Variants in SOX6 observed in about 807,000 individuals in gnomAD.
SOX6 encodes transcription factor SOX-6.
SOX6 carries 11 observed loss-of-function variants against 97.8 expected under a neutral mutation model. That is an observed-to-expected ratio of 0.11 (90% confidence interval 0.07 to 0.19). The LOEUF is 0.19. SOX6 is among the 10% of genes least tolerant of loss of function. The pLI is 1.00. For missense variants in SOX6, 810 were observed against 1,039.5 expected (o/e 0.78, Z 3.04); for synonymous variants, 360 against 371.4 (o/e 0.97, Z 0.35).
Position 16,582,362 on chromosome 11 carries a change from T to A in SOX6, n.609+29719A>T, listed in dbSNP as rs370480747. On this transcript the variant is annotated intron_variant and non_coding_transcript_variant, in intron 4 of 5. Transcript: ENST00000524520. ...TGAGTGATACATTAGAAATAACATATCTGGATTTCAGCAAAACACTTGACA... is the reference window on the plus strand; with the variant it reads ...TGAGTGATACATTAGAAATAACATAACTGGATTTCAGCAAAACACTTGACA... Among the ~76,000 whole-genome samples, 44 of 152,276 alleles carry A rather than the reference T, an allele frequency of 2.9e-4. 1 individual carries two copies. In the East Asian group the frequency reaches 4.4e-3, roughly 15 times the overall value.
chr11:16,539,387 C>T (rs1046730293), intron 4 of SOX6, among the ~76,000 whole-genome samples: 1 of 152,050 alleles, frequency 6.6e-6, no homozygotes, highest in Non-Finnish European at 1.5e-5. Flanking sequence ...AAAATCGACA[C>T]CCTAACATCA....
At chr11:16,555,285 T>C (rs1335247450) in intron 4 of SOX6, among the ~76,000 whole-genome samples, 2 of 151,910 alleles carry the variant, frequency 1.3e-5, no homozygotes, top group African/African-American at 4.8e-5. Flanking sequence ...GTGTGTATAA[T>C]TAGTGAATCT....
intron 3 of SOX6, among the ~76,000 whole-genome samples, chr11:16,302,687 A>T (rs1172726081): frequency 2.0e-5 from 3 of 147,508 alleles, no homozygotes; most frequent in Admixed American, 1.4e-4. Context: ...CTCCTGCCAC[A>T]GCCGCCTGTG....
chr11:16,408,340 G>C (rs1183570470), intron 1 of SOX6, among the ~76,000 whole-genome samples: 3 of 152,104 alleles, frequency 2.0e-5, no homozygotes, highest in Admixed American at 6.6e-5. Flanking sequence ...TATCAGAAAA[G>C]GAAAGGACCA....
At chr11:16,156,115 T>TC (rs1202141821) in intron 6 of SOX6, among the ~76,000 whole-genome samples, 2 of 152,000 alleles carry the variant, frequency 1.3e-5, no homozygotes, top group Non-Finnish European at 2.9e-5. Context: ...TGGTCACAGT[T>TC]CCCTCAAATA....
chr11:16,301,217 A>G (rs1158221059), intron 3 of SOX6, among the ~76,000 whole-genome samples: 1 of 152,236 alleles, frequency 6.6e-6, no homozygotes, highest in Non-Finnish European at 1.5e-5. Flanking sequence ...TGACATATAC[A>G]GCCTGTAGCT....
chr11:16,707,600 G>A (rs1215968371), intron 3 of SOX6, among the ~76,000 whole-genome samples: 2 of 152,164 alleles, frequency 1.3e-5, no homozygotes, highest in East Asian at 1.9e-4. Flanking sequence ...AGGCAACTGA[G>A]TATTGGGATG....
At chr11:16,595,297 A>G (rs1848200257) in intron 4 of SOX6, among the ~76,000 whole-genome samples, 1 of 152,106 alleles carries the variant, frequency 6.6e-6, no homozygotes, top group African/African-American at 2.4e-5. Flanking sequence ...TCTCTAGCCT[A>G]TGTGACCACC....
intron 3 of SOX6, among the ~76,000 whole-genome samples, chr11:16,642,466 C>A (rs1848933478): frequency 6.6e-6 from 1 of 152,154 alleles, no homozygotes; most frequent in Admixed American, 6.6e-5. Context: ...GTTGGCCTGC[C>A]TTGCTAGATT....
At chr11:16,227,160 A>T (rs1373836240) in intron 4 of SOX6, among the ~76,000 whole-genome samples, 1 of 152,224 alleles carries the variant, frequency 6.6e-6, no homozygotes, top group Non-Finnish European at 1.5e-5. Context: ...GTAAACAATA[A>T]GATGTCTTAC....
intron 2 of SOX6, among the ~76,000 whole-genome samples, chr11:16,726,378 C>T (rs555036828): frequency 3.9e-5 from 6 of 152,312 alleles, no homozygotes; most frequent in Admixed American, 3.9e-4. Flanking sequence ...GATCACGCCA[C>T]TTCACTCCAG....
intron 4 of SOX6, among the ~76,000 whole-genome samples, chr11:16,548,454 C>T (rs1847644847): frequency 6.6e-6 from 1 of 152,102 alleles, no homozygotes; most frequent in Admixed American, 6.6e-5. Context: ...ATCCCTGCCC[C>T]TTCCATAAAA....
chr11:16,118,522 TG>T (rs1282380282), intron 6 of SOX6, among the ~76,000 whole-genome samples: 4 of 152,260 alleles, frequency 2.6e-5, no homozygotes, highest in Non-Finnish European at 5.9e-5. Flanking sequence ...TTTTGCCATC[TG>T]CCCCAGAGCT....
chr11:16,413,423 C>A (rs2133057992), intron 1 of SOX6, among the ~76,000 whole-genome samples: 1 of 150,852 alleles, frequency 6.6e-6, no homozygotes, highest in East Asian at 2.0e-4. Context: ...ATAAAAACTG[C>A]TTAAAGGCCA....
At chr11:16,551,717 C>T (rs1029278003) in intron 4 of SOX6, among the ~76,000 whole-genome samples, 1 of 152,098 alleles carries the variant, frequency 6.6e-6, no homozygotes, top group Non-Finnish European at 1.5e-5. Flanking sequence ...AATTCTCCTG[C>T]CTCAGCCTCC....
Position 15,973,397 on chromosome 11 carries a change from A to G in SOX6, c.2184-285T>C, listed in dbSNP as rs75150177. 5.3e-5 allele frequency among the ~76,000 whole-genome samples: 8 copies of G among 152,190 alleles called. No homozygotes were observed. In the East Asian group the frequency reaches 1.5e-3, roughly 29 times the overall value. ...TGGTAAATATGGCAAAGTTTGGATA[A>G]CACCTGGCATTAGGAACAAATGATG... is the stretch of plus-strand genomic sequence containing the variant. On this transcript the variant is annotated intron_variant, in intron 15 of 15. Transcript: ENST00000683767.
At chr11:16,067,996 C>T (rs546312205) in intron 9 of SOX6, among the ~76,000 whole-genome samples, 5 of 152,102 alleles carry the variant, frequency 3.3e-5, no homozygotes, top group East Asian at 1.9e-4. Context: ...CACAAAATAT[C>T]GGGGAACCCC....
intron 2 of SOX6, among the ~76,000 whole-genome samples, chr11:16,339,695 T>C (rs1214370297): frequency 6.6e-6 from 1 of 152,088 alleles, no homozygotes. Context: ...GTCTGCTTTG[T>C]TCACCACTAT....
intron 10 of SOX6, among the ~76,000 whole-genome samples, chr11:16,055,438 G>T (rs1215096432): frequency 6.6e-6 from 1 of 151,978 alleles, no homozygotes; most frequent in Non-Finnish European, 1.5e-5. Flanking sequence ...ACAAGTCCAT[G>T]ACAAAGACTG....
Sources: allele counts gnomAD v4.1 joint callset (sites outside exome capture counted in the v4.1 genomes callset), GRCh38; gene constraint gnomAD v4.1.1; transcripts MANE v1.5; gene names NCBI Gene and HGNC (gene_info 2026-07-23, HGNC 2026-07-21).